BCAS1: variants seen among roughly 807,000 people sequenced by gnomAD.
The protein encoded by BCAS1 is brain enriched myelin associated protein 1, also known as breast carcinoma-amplified sequence 1.
BCAS1 carries 46 observed loss-of-function variants against 65.4 expected under a neutral mutation model. The ratio of observed to expected loss-of-function variants is 0.70; its 90% CI spans 0.55 to 0.90. BCAS1 has a LOEUF of 0.90. Among genes scored for constraint, BCAS1 ranks in the 40% least tolerant of loss-of-function variants. The pLI is 0.00. For missense variants in BCAS1, 793 were observed against 771.2 expected (o/e 1.03, Z -0.33); for synonymous variants, 298 against 293.5 (o/e 1.02, Z -0.16).
In BCAS1 at chr20:54,017,389, T is replaced by TTTTTC. The variant is rs200468829; in HGVS notation, c.723+10998_723+11002dup. 6.2e-4 allele frequency among the ~76,000 whole-genome samples: 82 copies of TTTTTC among 133,244 alleles called. 1 individual carries two copies. The South Asian group carries it at 8.3e-3, about 13-fold the overall frequency. 87.4% of individuals were successfully genotyped at this position (133,244 alleles called of 152,430 possible). A position where few individuals can be genotyped will look rare whatever the true frequency, so the allele number is the denominator to read the frequency against. On this transcript the variant is annotated intron_variant, in intron 4 of 12. Transcript: ENST00000688948. ...AGTATAGTTCCCTTATGTGTGATTT[T>TTTTTC]TTTTCTTTTCTTTTTTTTTTTTTTG... is the stretch of plus-strand genomic sequence containing the variant.
chr20:54,035,677 C>G (rs1214981704), intron 3 of BCAS1, among the ~76,000 whole-genome samples: 1 of 151,156 alleles, frequency 6.6e-6, no homozygotes, highest in African/African-American at 2.4e-5. Flanking sequence ...GATAGAAATA[C>G]CATTCCACCC....
rs368716549 is a variant in BCAS1, at chr20:54,039,093, T to G, written c.143-10121A>C. Among the ~76,000 whole-genome samples, 21 of 151,568 alleles carry G rather than the reference T, an allele frequency of 1.4e-4. 1 individual carries two copies. Among genetic ancestry groups the G allele is most frequent in the East Asian group, 9.6e-4 (5 of 5,190 alleles). On this transcript the variant is annotated intron_variant, in intron 3 of 12. Coordinates refer to ENST00000688948, the MANE Select transcript of BCAS1 (RefSeq NM_001366298.2). ...CAAAAAATTATGCAAAAATGACCCTTCAATGGTCATGCTGCAAGAGTCAAA... is the reference window on the plus strand; with the variant it reads ...CAAAAAATTATGCAAAAATGACCCTGCAATGGTCATGCTGCAAGAGTCAAA...
chr20:53,987,927 G>A (rs1188385395), intron 7 of BCAS1, among the ~76,000 whole-genome samples: 1 of 152,154 alleles, frequency 6.6e-6, no homozygotes, highest in South Asian at 2.1e-4. Flanking sequence ...GCCAAGCGTG[G>A]CTACTTCAAC....
At chr20:54,067,918 G>A in intron 1 of BCAS1, among the ~76,000 whole-genome samples, 1 of 152,262 alleles carries the variant, frequency 6.6e-6, no homozygotes, top group Non-Finnish European at 1.5e-5. Context: ...GGCACACCCA[G>A]CAGAACCAGC....
At chr20:53,994,843 A>G (rs1170821903) in intron 6 of BCAS1, among the ~76,000 whole-genome samples, 169 bp downstream of exon 6, 2 of 152,014 alleles carry the variant, frequency 1.3e-5, no homozygotes, top group Non-Finnish European at 2.9e-5. Flanking sequence ...TATTTTAATG[A>G]CAACCTAACA....
intron 3 of BCAS1, among the ~76,000 whole-genome samples, chr20:54,037,242 A>G (rs1245916166): frequency 6.6e-6 from 1 of 151,274 alleles, no homozygotes; most frequent in Non-Finnish European, 1.5e-5. Flanking sequence ...TCAAAGGGGG[A>G]GCAAGGACCT....
Position 53,981,255 on chromosome 20 carries a change from T to C in BCAS1, c.1275+4032A>G, listed in dbSNP as rs568128396. 2.0e-5 allele frequency among the ~76,000 whole-genome samples: 3 copies of C among 152,332 alleles called. No homozygotes were observed. In the East Asian group the frequency reaches 5.8e-4, roughly 29 times the overall value. The stretch of plus-strand genomic sequence containing the variant: ...ACATTTTCTATTAAGCCCAGATTGG[T>C]CAGCCCATCTTTCAAGTGCTTCCAT... On this transcript the variant is annotated intron_variant, in intron 8 of 12. Transcript: ENST00000688948.
chr20:54,052,200 G>A (rs888186747), intron 3 of BCAS1, among the ~76,000 whole-genome samples: 1 of 152,152 alleles, frequency 6.6e-6, no homozygotes, highest in Admixed American at 6.5e-5. Context: ...CCTCCACCAT[G>A]ATGAAGGTAT....
intron 8 of BCAS1, among the ~76,000 whole-genome samples, chr20:53,980,463 A>G (rs1256013098): frequency 6.6e-6 from 1 of 152,208 alleles, no homozygotes; most frequent in African/African-American, 2.4e-5. Flanking sequence ...GCTAATAGAG[A>G]TAATAGTGAT....
chr20:54,028,807 AC>A lies in BCAS1; in HGVS notation c.307del (p.Val103TyrfsTer17). 1 of 1,614,040 alleles carries A rather than the reference AC, an allele frequency of 6.2e-7. No individual in the cohort carries two copies. Among genetic ancestry groups the A allele is most frequent in the Non-Finnish European group, 8.5e-7 (1 of 1,180,012 alleles). On this transcript the variant is annotated frameshift_variant, in exon 4 of 13. Coordinates refer to ENST00000688948, the MANE Select transcript of BCAS1 (RefSeq NM_001366298.2). LOFTEE classifies it high-confidence loss of function. Reference protein sequence around the residue: ...SRFFLMLSRPVPGRTGDQAAD... With the variant: ...SRFFLMLSRPXPGRTGDQAAD... ...GGCTTGGTCTCCGGTACGTCCTGGT[AC>A]AGGCCGAGAGAGCATCAAGAAAAAA... is the stretch of plus-strand genomic sequence containing the variant.
chr20:53,959,428 A>G (rs1472207034), intron 10 of BCAS1, among the ~76,000 whole-genome samples: 2 of 151,894 alleles, frequency 1.3e-5, no homozygotes, highest in Admixed American at 6.6e-5. Context: ...TAATTTTTGT[A>G]TTTTTAGTAG....
chr20:54,002,402 A>G (rs1458292578), intron 4 of BCAS1, among the ~76,000 whole-genome samples: 1 of 152,274 alleles, frequency 6.6e-6, no homozygotes, highest in East Asian at 1.9e-4. Context: ...CCAAGTTTTC[A>G]TCTGTTTTAG....
intron 4 of BCAS1, among the ~76,000 whole-genome samples, chr20:54,014,780 C>T (rs373633059): frequency 6.6e-6 from 1 of 152,188 alleles, no homozygotes; most frequent in Non-Finnish European, 1.5e-5. Context: ...GAGAATATCA[C>T]GCGAGCACAG....
At chr20:53,993,937 C>T (rs2090832719) in intron 6 of BCAS1, among the ~76,000 whole-genome samples, 1 of 152,178 alleles carries the variant, frequency 6.6e-6, no homozygotes, top group Non-Finnish European at 1.5e-5. Context: ...AATCAGAGCT[C>T]TACAGTTTGC....
Position 53,984,186 on chromosome 20 carries a change from AC to A in BCAS1, c.1275+1100del, listed in dbSNP as rs569711375. ...AACTAAAATTATTCAGATATGGGCC[AC>A]TTAAGTCTTCTCTCTTGTCTCCAAT... On this transcript the variant is annotated intron_variant, in intron 8 of 12. Transcript: ENST00000688948. 8.7e-4 allele frequency among the ~76,000 whole-genome samples: 133 copies of A among 152,338 alleles called. 1 individual carries two copies. Among genetic ancestry groups the A allele is most frequent in the African/African-American group, 3.1e-3 (131 of 41,588 alleles).
intron 3 of BCAS1, among the ~76,000 whole-genome samples, chr20:54,043,098 T>C (rs2092029626): frequency 6.6e-6 from 1 of 152,230 alleles, no homozygotes; most frequent in South Asian, 2.1e-4. Context: ...ATAGCCAACT[T>C]ACTGGCTTAA....
chr20:53,995,083 T>C (rs765960431), intron 5 of BCAS1, 27 bp from the exon 6 acceptor site: 60 of 1,588,584 alleles, frequency 3.8e-5, no homozygotes, highest in Middle Eastern at 1.7e-4. Context: ...AGCCAAATAT[T>C]AGAAATCATT....
rs746718430 is a variant in BCAS1, at chr20:54,058,727, T to C, written c.-5-4A>G. 1.9e-6 allele frequency: 3 copies of C among 1,606,220 alleles called. No individual in the cohort carries two copies. The highest frequency in any genetic ancestry group is 4.5e-5 in the East Asian group (2 of 44,472). The stretch of plus-strand genomic sequence containing the variant: ...CTCATTTGGTTACCCATTGCTCCTA[T>C]AATGGAGAGAAAGAGAGGAAGAGAG... On this transcript the variant is annotated splice_region_variant and splice_polypyrimidine_tract_variant and intron_variant, in intron 1 of 12. Coordinates refer to ENST00000688948, the MANE Select transcript of BCAS1 (RefSeq NM_001366298.2).
At chr20:53,950,570 T>G (rs1037844039) in intron 12 of BCAS1, among the ~76,000 whole-genome samples, 5 of 152,230 alleles carry the variant, frequency 3.3e-5, no homozygotes, top group African/African-American at 1.2e-4. Context: ...ATTTTGTCTT[T>G]AATTTTGTAA....
Sources: gnomAD v4.1 joint callset for allele counts (sites outside exome capture counted in the v4.1 genomes callset) on GRCh38, gnomAD v4.1.1 for gene constraint, MANE v1.5 for transcripts, NCBI Gene and HGNC (gene_info 2026-07-23, HGNC 2026-07-21) for gene names.